COL24A1: variants seen among roughly 807,000 people sequenced by gnomAD.
The protein encoded by COL24A1 is collagen alpha-1(XXIV) chain.
In COL24A1, 224 loss-of-function variants were observed where a neutral mutation model predicts 253.9. The ratio of observed to expected loss-of-function variants is 0.88; its 90% CI spans 0.79 to 0.99. The LOEUF (loss-of-function observed/expected upper bound fraction) is 0.99. Ranked by LOEUF, COL24A1 falls within the 50% of genes least tolerant of loss-of-function variation. The pLI, the probability that COL24A1 is intolerant of heterozygous loss-of-function variation, is 0.00. For missense variants in COL24A1, 2,131 were observed against 2,068.5 expected (o/e 1.03, Z -0.59); for synonymous variants, 685 against 673.7 (o/e 1.02, Z -0.26).
chr1:86,008,900 AAAAT>A (rs139331177), intron 19 of COL24A1, among the ~76,000 whole-genome samples: 25,228 of 151,852 alleles, frequency 0.17, 2,802 homozygotes, highest in African/African-American at 0.32. Context: ...TAACAACAAA[AAAAT>A]AAAATGCTTA....
At chr1:85,860,602 G>A (rs113063369) in intron 37 of COL24A1, among the ~76,000 whole-genome samples, 93 of 152,204 alleles carry the variant, frequency 6.1e-4, no homozygotes, top group Admixed American at 5.2e-4. Flanking sequence ...TTAGCCAGGC[G>A]TGGTGGTGGG....
At chr1:86,003,104 G>C (rs549639092) in intron 19 of COL24A1, among the ~76,000 whole-genome samples, 42 of 152,320 alleles carry the variant, frequency 2.8e-4, no homozygotes, top group African/African-American at 8.9e-4. Flanking sequence ...TTTGCAGTGA[G>C]AGAAACAAAT....
intron 47 of COL24A1, among the ~76,000 whole-genome samples, chr1:85,815,468 G>T (rs1672965734): frequency 6.6e-6 from 1 of 152,082 alleles, no homozygotes; most frequent in Non-Finnish European, 1.5e-5. Flanking sequence ...GTAACCTGAT[G>T]CCATGAGGCT....
chr1:85,910,697 T>G (rs1048487544), intron 25 of COL24A1, among the ~76,000 whole-genome samples: 11 of 152,022 alleles, frequency 7.2e-5, no homozygotes, highest in African/African-American at 2.7e-4. Flanking sequence ...TAATTGAGAA[T>G]GTAGTACATG....
intron 28 of COL24A1, among the ~76,000 whole-genome samples, chr1:85,903,345 C>T (rs975536990): frequency 1.3e-5 from 2 of 152,150 alleles, no homozygotes; most frequent in African/African-American, 4.8e-5. Context: ...TAACTGAAAG[C>T]TTAGCTTTAT....
At position 86,126,338 on chromosome 1, in the gene COL24A1, C is replaced by T. The variant is rs1044200653; in HGVS notation, c.122-124G>A. On this transcript the variant is annotated intron_variant, in intron 2 of 59. Transcript: ENST00000370571. The stretch of plus-strand genomic sequence containing the variant: ...CAGTAGTTTCTAAAATAAGCATGTT[C>T]TATCAATAACTAATTATGGGTAATA... 45 of 768,962 alleles carry T rather than the reference C, an allele frequency of 5.9e-5. 1 individual carries two copies. The South Asian group carries it at 8.5e-4, about 14-fold the overall frequency. 47.6% of individuals were successfully genotyped at this position (768,962 alleles called of 1,614,324 possible).
intron 7 of COL24A1, among the ~76,000 whole-genome samples, chr1:86,087,840 C>T (rs867954405): frequency 4.6e-5 from 7 of 152,220 alleles, no homozygotes; most frequent in Middle Eastern, 6.8e-3. Flanking sequence ...TGTCTCCTTG[C>T]GGGGGCAACC....
intron 39 of COL24A1, 38 bp downstream of exon 39, chr1:85,847,627 C>T: frequency 6.8e-7 from 1 of 1,466,152 alleles, no homozygotes; most frequent in South Asian, 1.1e-5. Flanking sequence ...CTTTCCCATC[C>T]ACAGTGACTC....
chr1:86,078,470 G>GA (rs921224628), intron 7 of COL24A1, among the ~76,000 whole-genome samples: 1 of 151,302 alleles, frequency 6.6e-6, no homozygotes, highest in Non-Finnish European at 1.5e-5. Context: ...TCAGACAACA[G>GA]AAAAAAAATA....
intron 55 of COL24A1, among the ~76,000 whole-genome samples, chr1:85,755,374 G>A (rs1047215346): frequency 1.3e-5 from 2 of 152,156 alleles, no homozygotes; most frequent in Non-Finnish European, 2.9e-5. Flanking sequence ...AGCAGTAGTA[G>A]AAGTTACAAT....
chr1:85,974,431 A>G (rs559437243), intron 20 of COL24A1, among the ~76,000 whole-genome samples: 1 of 152,308 alleles, frequency 6.6e-6, no homozygotes, highest in South Asian at 2.1e-4. Flanking sequence ...AATTACATGT[A>G]TCAACCTGGA....
At chr1:85,979,235 G>T (rs1693001424) in intron 20 of COL24A1, among the ~76,000 whole-genome samples, 1 of 152,086 alleles carries the variant, frequency 6.6e-6, no homozygotes. Flanking sequence ...ATATCAAAAA[G>T]TCTGAAAGAG....
rs1208794729 is a variant in COL24A1, at chr1:85,775,726, A to AT, written c.4339-18_4339-17insA. On this transcript the variant is annotated splice_polypyrimidine_tract_variant and intron_variant, in intron 52 of 59. Transcript: ENST00000370571. ...TCTGGGTCCCTAAAAGAAAAAAAAA[A>AT]GATGTTAGTTCATTGTTATTGATAG... is the stretch of plus-strand genomic sequence containing the variant. 1.3e-6 allele frequency: 2 copies of AT among 1,594,570 alleles called. No homozygotes were observed. Among genetic ancestry groups the AT allele is most frequent in the Non-Finnish European group, 1.7e-6 (2 of 1,168,978 alleles).
intron 37 of COL24A1, among the ~76,000 whole-genome samples, chr1:85,863,944 C>T (rs931412806): frequency 1.3e-5 from 2 of 152,190 alleles, no homozygotes; most frequent in Non-Finnish European, 2.9e-5. Flanking sequence ...CACTTTTACA[C>T]TGTTGGTGGG....
intron 53 of COL24A1, among the ~76,000 whole-genome samples, chr1:85,762,163 G>A (rs1666908813): frequency 6.6e-6 from 1 of 152,112 alleles, no homozygotes. Flanking sequence ...AATGCTCAAA[G>A]GCCCTGTACA....
At chr1:85,960,869 G>A (rs777812978) in intron 24 of COL24A1, 10 of 182,134 alleles carry the variant, frequency 5.5e-5, no homozygotes, top group Non-Finnish European at 1.1e-4. Context: ...GGGTGACAGA[G>A]CAAGACTCCA....
chr1:85,904,614 T>C (rs184914502), intron 28 of COL24A1, among the ~76,000 whole-genome samples: 7 of 152,290 alleles, frequency 4.6e-5, no homozygotes, highest in Admixed American at 1.3e-4. Flanking sequence ...GCTTAGAGTA[T>C]GTAGGATAAA....
chr1:85,772,357 T>G (rs1668072899), intron 53 of COL24A1, among the ~76,000 whole-genome samples: 1 of 151,630 alleles, frequency 6.6e-6, no homozygotes, highest in South Asian at 2.1e-4. Flanking sequence ...ACACTGTTGG[T>G]GGGACTGTAA....
intron 5 of COL24A1, among the ~76,000 whole-genome samples, chr1:86,095,524 T>C (rs1703832320): frequency 6.6e-6 from 1 of 152,050 alleles, no homozygotes; most frequent in Admixed American, 6.6e-5. Context: ...CAACTTTATC[T>C]AAAATGTCAA....
Sources: gnomAD v4.1 joint callset for allele counts (sites outside exome capture counted in the v4.1 genomes callset) on GRCh38, gnomAD v4.1.1 for gene constraint, MANE v1.5 for transcripts, NCBI Gene and HGNC (gene_info 2026-07-23, HGNC 2026-07-21) for gene names.